The following L3MBTL3 variants were observed in gnomAD, a reference collection of about 807,000 sequenced individuals.
The protein encoded by L3MBTL3 is lethal(3)malignant brain tumor-like protein 3.
L3MBTL3 carries 27 observed loss-of-function variants against 102.3 expected under a neutral mutation model. The observed-to-expected ratio is 0.26, with a 90% confidence interval of 0.19 to 0.36. The LOEUF (loss-of-function observed/expected upper bound fraction) is 0.36. Ranked by LOEUF, L3MBTL3 falls within the 10% of genes least tolerant of loss-of-function variation. L3MBTL3 has a pLI of 1.00. For missense variants in L3MBTL3, 798 were observed against 955.3 expected (o/e 0.84, Z 2.17); for synonymous variants, 340 against 320.9 (o/e 1.06, Z -0.64).
At chr6:130,110,326 C>T (rs1220594034) in intron 19 of L3MBTL3, among the ~76,000 whole-genome samples, 1 of 152,180 alleles carries the variant, frequency 6.6e-6, no homozygotes, top group African/African-American at 2.4e-5. Flanking sequence ...TCTTCCTATC[C>T]ATGAGCATGG....
intron 3 of L3MBTL3, among the ~76,000 whole-genome samples, chr6:130,048,382 C>G (rs1355798333): frequency 6.6e-6 from 1 of 152,148 alleles, no homozygotes; most frequent in Non-Finnish European, 1.5e-5. Context: ...ATACAGAAAA[C>G]TGCTTGAAAC....
Position 130,086,264 on chromosome 6 carries a change from G to A in L3MBTL3, c.1518+14G>A. 6.6e-7 allele frequency: 1 copy of A among 1,519,024 alleles called. No homozygotes were observed. The highest frequency in any genetic ancestry group is 9.0e-7 in the Non-Finnish European group (1 of 1,107,122). The allele number at this position is 1,519,024 out of a possible 1,614,324, so 94.1% of individuals were successfully genotyped here. A position where few individuals can be genotyped will look rare whatever the true frequency, so the allele number is the denominator to read the frequency against. On this transcript the variant is annotated intron_variant, in intron 16 of 22. Coordinates refer to ENST00000361794, the MANE Select transcript of L3MBTL3 (RefSeq NM_032438.4). ...CACCGGGTAAAAGTAAGTGTTCTGTGTGGGGGGTTGGCTTTGTCTTTTGTT... is the reference window on the plus strand; with the variant it reads ...CACCGGGTAAAAGTAAGTGTTCTGTATGGGGGGTTGGCTTTGTCTTTTGTT...
chr6:130,087,863 CATATAT>C (rs1276071246), intron 16 of L3MBTL3, among the ~76,000 whole-genome samples: 1 of 151,300 alleles, frequency 6.6e-6, no homozygotes, highest in Non-Finnish European at 1.5e-5. Flanking sequence ...TACAAGCATA[CATATAT>C]AAGCAATTCT....
At chr6:130,101,238 CTAGT>C (rs1784667850) in intron 18 of L3MBTL3, among the ~76,000 whole-genome samples, 1 of 152,000 alleles carries the variant, frequency 6.6e-6, no homozygotes, top group African/African-American at 2.4e-5. Flanking sequence ...GTAGGAGGAA[CTAGT>C]TGTGTTTATC....
chr6:130,118,423 C>T (rs1260297023), intron 19 of L3MBTL3, among the ~76,000 whole-genome samples: 2 of 152,146 alleles, frequency 1.3e-5, no homozygotes, highest in South Asian at 2.1e-4. Context: ...TGGATGTGCT[C>T]GATTAAGATT....
chr6:130,057,999 C>T (rs981157121), intron 9 of L3MBTL3, among the ~76,000 whole-genome samples: 12 of 151,214 alleles, frequency 7.9e-5, no homozygotes, highest in Admixed American at 2.6e-4. Flanking sequence ...AAAAATTAGC[C>T]GGGCGCGGTG....
At chr6:130,034,011 C>T (rs1416084356) in intron 2 of L3MBTL3, among the ~76,000 whole-genome samples, 2 of 152,178 alleles carry the variant, frequency 1.3e-5, no homozygotes, top group African/African-American at 2.4e-5. Context: ...TTGTGCTGTG[C>T]GCCTCCTAGG....
intron 3 of L3MBTL3, among the ~76,000 whole-genome samples, chr6:130,048,574 G>A (rs1780867397): frequency 6.6e-6 from 1 of 152,196 alleles, no homozygotes; most frequent in Non-Finnish European, 1.5e-5. Flanking sequence ...AAATCAAGAT[G>A]CTGTTGCTTT....
At chr6:130,019,306 G>C (rs999625512) in intron 1 of L3MBTL3, 7 of 145,256 alleles carry the variant, frequency 4.8e-5, no homozygotes, top group African/African-American at 1.7e-4. Context: ...GGCGGGGGGC[G>C]CCGGCGGGGG....
At chr6:130,096,258 A>G (rs1784361276) in intron 18 of L3MBTL3, among the ~76,000 whole-genome samples, 1 of 152,212 alleles carries the variant, frequency 6.6e-6, no homozygotes. Flanking sequence ...AATTAGTCAC[A>G]GACCCAACCT....
chr6:130,018,840 C>T (rs1452731412), intron 1 of L3MBTL3, among the ~76,000 whole-genome samples, 176 bp downstream of exon 1: 1 of 152,070 alleles, frequency 6.6e-6, no homozygotes, highest in Non-Finnish European at 1.5e-5. Context: ...GGGGTTTCTC[C>T]CCCACTTCTC....
At chr6:130,044,122 C>T (rs561942920) in intron 3 of L3MBTL3, among the ~76,000 whole-genome samples, 1 of 152,266 alleles carries the variant, frequency 6.6e-6, no homozygotes, top group East Asian at 1.9e-4. Flanking sequence ...GAAAGAAAAA[C>T]TGTTTCTCAA....
At chr6:130,047,288 G>T (rs1057494506) in intron 3 of L3MBTL3, among the ~76,000 whole-genome samples, 4 of 152,104 alleles carry the variant, frequency 2.6e-5, no homozygotes, top group African/African-American at 9.7e-5. Flanking sequence ...TCTTTACTTT[G>T]TACTTAGACT....
chr6:130,065,132 A>G (rs148563902), intron 10 of L3MBTL3, among the ~76,000 whole-genome samples: 1 of 152,290 alleles, frequency 6.6e-6, no homozygotes, highest in African/African-American at 2.4e-5. Flanking sequence ...TGGTATATCA[A>G]TACATTCTAA....
intron 14 of L3MBTL3, among the ~76,000 whole-genome samples, chr6:130,081,811 C>T (rs1470789700): frequency 6.6e-6 from 1 of 152,090 alleles, no homozygotes; most frequent in African/African-American, 2.4e-5. Flanking sequence ...CACCTATACC[C>T]CTGACTCAGA....
intron 1 of L3MBTL3, among the ~76,000 whole-genome samples, chr6:130,021,485 C>A (rs1437108141): frequency 6.6e-6 from 1 of 152,186 alleles, no homozygotes; most frequent in Non-Finnish European, 1.5e-5. Flanking sequence ...TGAGATTGAT[C>A]GCTCCCTGAA....
chr6:130,121,168 C>T (rs1388803716), intron 20 of L3MBTL3, among the ~76,000 whole-genome samples: 1 of 152,114 alleles, frequency 6.6e-6, no homozygotes, highest in Non-Finnish European at 1.5e-5. Context: ...ATTATTTCAT[C>T]ACCCACGAAT....
At chr6:130,120,856 A>G (rs375794291) in intron 19 of L3MBTL3, 23 bp from the exon 20 acceptor site, 363 of 1,572,104 alleles carry the variant, frequency 2.3e-4, no homozygotes, top group Non-Finnish European at 3.0e-4. Flanking sequence ...CTTATAAAAT[A>G]TTGAAATGCC....
In L3MBTL3 at chr6:130,049,263, T is replaced by C; in HGVS notation, c.103-19T>C. The C allele has an allele frequency of 6.5e-7, 1 of 1,530,504 alleles. No homozygotes were observed. The highest frequency in any genetic ancestry group is 9.0e-7 in the Non-Finnish European group (1 of 1,108,224). 94.8% of individuals were successfully genotyped at this position (1,530,504 alleles called of 1,614,324 possible). A position where few individuals can be genotyped will look rare whatever the true frequency, so the allele number is the denominator to read the frequency against. On this transcript the variant is annotated intron_variant, in intron 3 of 22. Coordinates refer to ENST00000361794, the MANE Select transcript of L3MBTL3 (RefSeq NM_032438.4). ...CTGAGCACTTTTTAAATTTTGCCTT[T>C]CTGCTGTGTTGTTGCTAGTTTCGGG...
Sources: gnomAD v4.1 joint callset for allele counts (sites outside exome capture counted in the v4.1 genomes callset) on GRCh38, gnomAD v4.1.1 for gene constraint, MANE v1.5 for transcripts, NCBI Gene and HGNC (gene_info 2026-07-23, HGNC 2026-07-21) for gene names.